Variants in CORO7 observed in about 807,000 individuals in gnomAD.
CORO7 encodes coronin-7.
A neutral mutation model predicts 126.6 loss-of-function variants in CORO7; 107 were observed. The ratio of observed to expected loss-of-function variants is 0.85; its 90% confidence interval spans 0.72 to 0.99. The LOEUF (loss-of-function observed/expected upper bound fraction) is 0.99, where lower values mean the gene tolerates loss of function less well. Ranked by LOEUF, CORO7 falls within the 50% of genes least tolerant of loss-of-function variation. The pLI, the probability that CORO7 is intolerant of heterozygous loss-of-function variation, is 0.00. For missense variants in CORO7, 1,314 were observed against 1,255.8 expected (o/e 1.05, Z -0.70); for synonymous variants, 603 against 536.8 (o/e 1.12, Z -1.70).
rs761214776 is a variant in CORO7, at chr16:4,364,898, G to A, written c.921C>T (p.Ser307=). The change falls in exon 12 of 28, where the codon AGC becomes AGT. Residue 307 remains serine (S), a synonymous_variant. Transcript: ENST00000251166. Reference sequence around the variant, plus strand: ...GCACAAGGGCAGCCCCACGCAGCACGCTCTCCAGGACACACTGGGTCACTG... The same window carrying A: ...GCACAAGGGCAGCCCCACGCAGCACACTCTCCAGGACACACTGGGTCACTG... The part of the protein sequence containing the change: ...LSPVTQCVLE[S]VLRGAALVPR... The A allele has an allele frequency of 4.3e-6, 7 of 1,611,022 alleles. No homozygotes were observed. Among genetic ancestry groups the A allele is most frequent in the East Asian group, 4.5e-5 (2 of 44,816 alleles).
At chr16:4,404,211 T>C (rs1230162072) in intron 6 of CORO7, among the ~76,000 whole-genome samples, 1 of 152,336 alleles carries the variant, frequency 6.6e-6, no homozygotes, top group Middle Eastern at 3.4e-3. Context: ...CTAGCTCCTG[T>C]TCGGCTCCAT....
rs113954688 is a variant in CORO7 at position 4,381,524 on chromosome 16, G to A, written c.785+6462C>T. On this transcript the variant is annotated intron_variant, in intron 9 of 27. Coordinates refer to ENST00000251166, the MANE Select transcript of CORO7 (RefSeq NM_024535.5). ...GACGAGGGGCTCTTCAGCCGCTTGCGCAACCTCCACGACCTGGATGTGTCC... is the reference window on the plus strand; with the variant it reads ...GACGAGGGGCTCTTCAGCCGCTTGCACAACCTCCACGACCTGGATGTGTCC... 3.5e-5 allele frequency: 56 copies of A among 1,601,180 alleles called. 2 individuals carry two copies. The highest frequency in any genetic ancestry group is 2.3e-4 in the African/African-American group (17 of 74,790).
At chr16:4,391,681 T>A (rs1463704426) in intron 7 of CORO7, among the ~76,000 whole-genome samples, 1 of 152,206 alleles carries the variant, frequency 6.6e-6, no homozygotes, top group African/African-American at 2.4e-5. Flanking sequence ...CAGTGAGCCG[T>A]GTTGGCGCCA....
At chr16:4,390,550 A>G (rs2055351332) in intron 7 of CORO7, among the ~76,000 whole-genome samples, 1 of 152,214 alleles carries the variant, frequency 6.6e-6, no homozygotes, top group African/African-American at 2.4e-5. Flanking sequence ...GGAAACTGGA[A>G]GCAGAGAGAC....
In CORO7 at chr16:4,358,298, C is replaced by T. The variant is rs369194559; in HGVS notation, c.2457+69G>A. 1.6e-4 allele frequency: 244 copies of T among 1,567,478 alleles called. 1 individual carries two copies. In the East Asian group the frequency reaches 2.9e-3, roughly 19 times the overall value. On this transcript the variant is annotated intron_variant, in intron 24 of 27. Coordinates refer to ENST00000251166, the MANE Select transcript of CORO7 (RefSeq NM_024535.5). Reference sequence around the variant, plus strand: ...AGGGAAGTTTGGAAGCTGGGTCAGACGGGACCCAAACTCCCCTCTAGGCAC... The same window carrying T: ...AGGGAAGTTTGGAAGCTGGGTCAGATGGGACCCAAACTCCCCTCTAGGCAC...
rs571973934 is a variant in CORO7 at position 4,385,704 on chromosome 16, C to T, written c.785+2282G>A. The stretch of plus-strand genomic sequence containing the variant: ...CTGGCCTGGCTCCCAGCCCCTGCTC[C>T]TCTCACTGTGGCTGGCTTCCCCTTA... On this transcript the variant is annotated intron_variant, in intron 9 of 27. Coordinates refer to ENST00000251166, the MANE Select transcript of CORO7 (RefSeq NM_024535.5). Among the ~76,000 whole-genome samples the T allele has an allele frequency of 3.3e-5, 5 of 152,354 alleles. No individual in the cohort carries two copies. In the South Asian group the frequency reaches 1.0e-3, roughly 32 times the overall value.
At chr16:4,412,285 G>A (rs2056240668) in intron 3 of CORO7, 71 bp downstream of exon 3, 2 of 1,547,502 alleles carry the variant, frequency 1.3e-6, no homozygotes, top group Non-Finnish European at 1.8e-6. Flanking sequence ...GACCAGGTGA[G>A]GATGAATTTC....
In CORO7 at chr16:4,364,404, C is replaced by A. The variant is rs1171768128; in HGVS notation, c.1147G>T (p.Val383Phe). Reference protein sequence around the residue: ...WAGDNQQVQKVSLNPACRPHP... With the variant: ...WAGDNQQVQKFSLNPACRPHP... Reference sequence around the variant, plus strand: ...GGCCGGCAGGCGGGGTTGAGGCTGACCTTCTGCACCTGCATGGAGGCCGGC... The same window carrying A: ...GGCCGGCAGGCGGGGTTGAGGCTGAACTTCTGCACCTGCATGGAGGCCGGC... The change falls in exon 14 of 28, where the codon GTC becomes TTC. Residue 383 changes from valine (V) to phenylalanine (F), a missense_variant. Coordinates refer to ENST00000251166, the MANE Select transcript of CORO7 (RefSeq NM_024535.5). 4 of 1,505,296 alleles carry A rather than the reference C, an allele frequency of 2.7e-6. No individual in the cohort carries two copies. The highest frequency in any genetic ancestry group is 2.3e-5 in the Admixed American group (1 of 44,028). The allele number at this position is 1,505,296 out of a possible 1,614,324, so 93.2% of individuals were successfully genotyped here.
intron 9 of CORO7, among the ~76,000 whole-genome samples, chr16:4,369,214 G>A (rs537354899): frequency 1.3e-5 from 2 of 152,284 alleles, no homozygotes; most frequent in South Asian, 4.1e-4. Context: ...ACTCTGCCAG[G>A]CAGGGGCATC....
intron 9 of CORO7, chr16:4,381,797 G>C: frequency 6.2e-7 from 1 of 1,600,370 alleles, no homozygotes; most frequent in South Asian, 1.1e-5. Context: ...TGCCCCCTGA[G>C]CTGGTTTGGC....
chr16:4,355,540 C>T (rs1021244310), intron 26 of CORO7, 168 bp from the exon 27 acceptor site: 2 of 694,384 alleles, frequency 2.9e-6, no homozygotes, highest in African/African-American at 3.6e-5. Context: ...GCGATCTCGG[C>T]TCACTGCAAG....
Position 4,365,057 on chromosome 16 carries a change from C to A in CORO7, c.844G>T (p.Glu282Ter). 6.3e-7 allele frequency: 1 copy of A among 1,599,038 alleles called. No individual in the cohort carries two copies. The highest frequency in any genetic ancestry group is 8.5e-7 in the Non-Finnish European group (1 of 1,172,944). The change falls in exon 11 of 28, where the codon GAG becomes TAG. Residue 282 changes from glutamate to a stop codon, truncating the protein, a stop_gained. Transcript: ENST00000251166. LOFTEE classifies it high-confidence loss of function. ...SGLLVLAGKGERQLYCYEVVP... is the reference protein window; with the variant it reads ...SGLLVLAGKG ...ACCTCGTAACAGTACAGCTGCCTCT[C>A]GCCCTGAAATGAGTCTGAACTGAGC...
chr16:4,398,630 C>T (rs571066944), intron 6 of CORO7, among the ~76,000 whole-genome samples: 2 of 149,484 alleles, frequency 1.3e-5, no homozygotes, highest in Non-Finnish European at 1.5e-5. Flanking sequence ...CATGCCATTG[C>T]ACTCCAGCCT....
chr16:4,410,669 G>A (rs1296087831), intron 3 of CORO7, among the ~76,000 whole-genome samples: 4 of 152,200 alleles, frequency 2.6e-5, no homozygotes, highest in East Asian at 1.9e-4. Flanking sequence ...TCCAAAGACC[G>A]TGTATTGTGC....
rs1402939015 is a variant in CORO7 at position 4,365,069 on chromosome 16, A to G, written c.841-9T>C. Reference sequence around the variant, plus strand: ...TACAGCTGCCTCTCGCCCTGAAATGAGTCTGAACTGAGCCCCGTTTGCTGA... The same window carrying G: ...TACAGCTGCCTCTCGCCCTGAAATGGGTCTGAACTGAGCCCCGTTTGCTGA... On this transcript the variant is annotated splice_polypyrimidine_tract_variant and intron_variant, in intron 10 of 27. Transcript: ENST00000251166. 6.3e-7 allele frequency: 1 copy of G among 1,593,580 alleles called. No homozygotes were observed. Among genetic ancestry groups the G allele is most frequent in the South Asian group, 1.1e-5 (1 of 88,172 alleles).
intron 9 of CORO7, among the ~76,000 whole-genome samples, chr16:4,377,498 GAAC>G (rs917880736): frequency 1.3e-5 from 2 of 152,184 alleles, no homozygotes; most frequent in Non-Finnish European, 2.9e-5. Flanking sequence ...AAAACAAACA[GAAC>G]AACAGAAAAC....
At chr16:4,382,063 GC>G in intron 9 of CORO7, 1 of 1,588,448 alleles carries the variant, frequency 6.3e-7, no homozygotes, top group Non-Finnish European at 8.6e-7. Context: ...GCCCTCCACT[GC>G]CCCACCGACT....
In CORO7 at chr16:4,362,708, T is replaced by A. The variant is rs1245289747; in HGVS notation, c.1306A>T (p.Thr436Ser). 5 of 1,451,224 alleles carry A rather than the reference T, an allele frequency of 3.4e-6. No homozygotes were observed. The African/African-American group carries it at 7.4e-5, about 21-fold the overall frequency. 89.9% of individuals were successfully genotyped at this position (1,451,224 alleles called of 1,614,324 possible). The change falls in exon 15 of 28, where the codon ACC becomes TCC. Residue 436 changes from threonine (T) to serine (S), a missense_variant. Coordinates refer to ENST00000251166, the MANE Select transcript of CORO7 (RefSeq NM_024535.5). The surrounding 1 kb of genome is among the most constrained non-coding windows in gnomAD (Gnocchi z 5.3). ...EGFSSPPSSL[T>S]SPSTPSSLGP... ...AGGCTGGAGGGCGTGGAGGGCGAGG[T>A]CAGCGAACTGGGAGGGGAAGAGAAA...
At chr16:4,383,394 A>G (rs1438495145) in intron 9 of CORO7, 1 of 167,876 alleles carries the variant, frequency 6.0e-6, no homozygotes, top group Non-Finnish European at 1.5e-5. Flanking sequence ...AAATATATAT[A>G]TATTTATAAG....
Sources: gnomAD v4.1 joint callset for allele counts (sites outside exome capture counted in the v4.1 genomes callset) on GRCh38, gnomAD v4.1.1 for gene constraint, Gnocchi (gnomAD v3.1) non-coding constraint, MANE v1.5 for transcripts, NCBI Gene and HGNC (gene_info 2026-07-23, HGNC 2026-07-21) for gene names.